USO1: variants seen among roughly 807,000 people sequenced by gnomAD.
USO1 encodes USO1 vesicle transport factor.
Under a neutral mutation model 124.5 loss-of-function variants are expected in USO1, and 57 were observed. The ratio of observed to expected loss-of-function variants is 0.46; its 90% CI spans 0.37 to 0.57. USO1 has a LOEUF of 0.57. USO1 is among the 20% of genes least tolerant of loss of function. The pLI is 0.00. For synonymous variants in USO1, 369 were observed against 362.8 expected (o/e 1.02, Z -0.19); for missense variants, 900 against 1,040.6 (o/e 0.86, Z 1.86).
intron 1 of USO1, among the ~76,000 whole-genome samples, chr4:75,744,230 A>G (rs1355492481): frequency 2.0e-5 from 3 of 152,144 alleles, no homozygotes; most frequent in Non-Finnish European, 2.9e-5. Flanking sequence ...GTGTGGCAGC[A>G]CTCTAGTATT....
Position 75,804,186 on chromosome 4 carries a change from A to G in USO1, c.2039A>G (p.Asn680Ser). 1 of 1,613,646 alleles carries G rather than the reference A, an allele frequency of 6.2e-7. No homozygotes were observed. Among genetic ancestry groups the G allele is most frequent in the South Asian group, 1.1e-5 (1 of 90,996 alleles). Residue 680 changes from asparagine to serine, a missense_variant, in exon 18 of 24, where the codon AAT becomes AGT. Around this residue, in one of 2 missense-constraint regions of USO1, gnomAD observed 362 missense variants for 359.0 expected, o/e 1.01. Coordinates refer to ENST00000514213, the MANE Select transcript of USO1 (RefSeq NM_003715.4). ...RQQVSTLKCQ[N>S]EQLQTAVTQQ... ...CAGGTTTCTACATTAAAATGTCAAA[A>G]TGAACAGCTCCAGACGGCAGTCACA...
chr4:75,732,891 A>AAAAAAAAT (rs1299961126), intron 1 of USO1, among the ~76,000 whole-genome samples: 2 of 150,522 alleles, frequency 1.3e-5, no homozygotes, highest in Non-Finnish European at 3.0e-5. Context: ...AAAAAAAAAA[A>AAAAAAAAT]AAAAAAAGTC....
intron 4 of USO1, among the ~76,000 whole-genome samples, chr4:75,769,887 A>G (rs930223859): frequency 2.0e-5 from 3 of 152,152 alleles, no homozygotes; most frequent in Non-Finnish European, 4.4e-5. Context: ...AGAATTTTGT[A>G]GGATATGTAT....
chr4:75,795,778 T>G (rs1321782959), intron 13 of USO1, among the ~76,000 whole-genome samples: 1 of 152,236 alleles, frequency 6.6e-6, no homozygotes, highest in Non-Finnish European at 1.5e-5. Flanking sequence ...ACTAGATTAT[T>G]TAAAATGTGC....
At chr4:75,773,071 G>A (rs985063692) in intron 7 of USO1, among the ~76,000 whole-genome samples, 17 of 152,066 alleles carry the variant, frequency 1.1e-4, no homozygotes, top group Admixed American at 1.3e-4. Context: ...GCACTCCAGC[G>A]TGGGCAACAA....
intron 17 of USO1, among the ~76,000 whole-genome samples, chr4:75,803,508 G>A (rs1359719605): frequency 6.6e-6 from 1 of 151,728 alleles, no homozygotes; most frequent in Non-Finnish European, 1.5e-5. Context: ...ACATTAGCTG[G>A]GCATGGCAGC....
At chr4:75,772,184 G>A (rs931802093) in intron 7 of USO1, among the ~76,000 whole-genome samples, 1 of 152,094 alleles carries the variant, frequency 6.6e-6, no homozygotes, top group Non-Finnish European at 1.5e-5. Flanking sequence ...TTTGTAATAT[G>A]TATATCAATT....
intron 8 of USO1, among the ~76,000 whole-genome samples, chr4:75,782,461 G>T (rs574332451): frequency 6.6e-6 from 1 of 152,178 alleles, no homozygotes; most frequent in Non-Finnish European, 1.5e-5. Context: ...TTACTAAGGC[G>T]ATTGGTTACT....
chr4:75,799,775 C>A (rs761551131), intron 14 of USO1, 43 bp downstream of exon 14: 1 of 1,601,668 alleles, frequency 6.2e-7, no homozygotes, highest in Non-Finnish European at 8.5e-7. Context: ...GTATTTATAT[C>A]TTTTTTAGTT....
intron 1 of USO1, among the ~76,000 whole-genome samples, chr4:75,751,395 A>G (rs1326148050): frequency 1.3e-5 from 2 of 149,384 alleles, no homozygotes; most frequent in Admixed American, 6.6e-5. Flanking sequence ...TATTTTTAGT[A>G]GAGACAGGGT....
intron 13 of USO1, among the ~76,000 whole-genome samples, chr4:75,796,620 G>A (rs989853141): frequency 2.6e-5 from 4 of 152,012 alleles, no homozygotes; most frequent in African/African-American, 9.7e-5. Flanking sequence ...TTACAGGTGT[G>A]AGACACCGCG....
At position 75,724,675 on chromosome 4, in the gene USO1, G is replaced by C; in HGVS notation, c.-145G>C. The stretch of plus-strand genomic sequence containing the variant: ...CGGCTGTTTCCGGGCTTAGAGGGCT[G>C]GAGTGGCCGCCGAGTTGGAGGCGGT... On this transcript the variant is annotated 5_prime_UTR_variant, in exon 1 of 24. Coordinates refer to ENST00000514213, the MANE Select transcript of USO1 (RefSeq NM_003715.4). 1 of 759,388 alleles carries C rather than the reference G, an allele frequency of 1.3e-6. No homozygotes were observed. Among genetic ancestry groups the C allele is most frequent in the Non-Finnish European group, 2.1e-6 (1 of 469,740 alleles). The allele number at this position is 759,388 out of a possible 1,614,324, so 47.0% of individuals were successfully genotyped here. A position where few individuals can be genotyped will look rare whatever the true frequency, so the allele number is the denominator to read the frequency against.
intron 1 of USO1, among the ~76,000 whole-genome samples, chr4:75,727,433 C>A (rs1421664649): frequency 6.6e-6 from 1 of 151,984 alleles, no homozygotes; most frequent in African/African-American, 2.4e-5. Flanking sequence ...TCTATTTTTT[C>A]TTTTTAATCA....
chr4:75,752,513 A>G, intron 2 of USO1, 27 bp from the exon 3 acceptor site: 1 of 398,478 alleles, frequency 2.5e-6, no homozygotes, highest in Non-Finnish European at 4.4e-6. Flanking sequence ...TAGTTACTTT[A>G]GTAACATTTT....
At chr4:75,806,370 G>T in intron 19 of USO1, 116 bp from the exon 20 acceptor site, 1 of 1,238,986 alleles carries the variant, frequency 8.1e-7, no homozygotes, top group African/African-American at 1.6e-5. Flanking sequence ...TTAAAAGGTT[G>T]GTGTGAATTT....
At chr4:75,768,886 C>G (rs1721843836) in intron 4 of USO1, among the ~76,000 whole-genome samples, 2 of 152,202 alleles carry the variant, frequency 1.3e-5, no homozygotes, top group South Asian at 4.1e-4. Context: ...ATTTATCCAG[C>G]TTCTTACTTG....
Position 75,804,217 on chromosome 4 carries a change from A to C in USO1, c.2070A>C (p.Gln690His). 1 of 1,613,758 alleles carries C rather than the reference A, an allele frequency of 6.2e-7. No homozygotes were observed. The highest frequency in any genetic ancestry group is 8.5e-7 in the Non-Finnish European group (1 of 1,179,764). ...AGCTCCAGACGGCAGTCACACAGCAAGTATCACAGATCCAGCAGCACAAAG... is the reference window on the plus strand; with the variant it reads ...AGCTCCAGACGGCAGTCACACAGCACGTATCACAGATCCAGCAGCACAAAG... ...NEQLQTAVTQQVSQIQQHKDQ... is the reference protein window; with the variant it reads ...NEQLQTAVTQHVSQIQQHKDQ... Residue 690 changes from glutamine to histidine, a missense_variant, in exon 18 of 24, where the codon CAA becomes CAC. Gln to His is a conservative substitution (Grantham distance 24, BLOSUM62 0). Around this residue, in one of 2 missense-constraint regions of USO1, gnomAD observed 362 missense variants for 359.0 expected, o/e 1.01. Coordinates refer to ENST00000514213, the MANE Select transcript of USO1 (RefSeq NM_003715.4).
chr4:75,794,736 ACT>A (rs1172412836), intron 13 of USO1, among the ~76,000 whole-genome samples: 2 of 152,130 alleles, frequency 1.3e-5, no homozygotes, highest in African/African-American at 2.4e-5. Flanking sequence ...ATCCTGCCAC[ACT>A]CGTTGAATTT....
chr4:75,802,155 T>TA (rs1722869400), intron 17 of USO1, among the ~76,000 whole-genome samples: 1 of 152,108 alleles, frequency 6.6e-6, no homozygotes, highest in Non-Finnish European at 1.5e-5. Context: ...AGAATGAAAA[T>TA]ATTGTGGTAT....
Sources: gnomAD v4.1 joint callset for allele counts (sites outside exome capture counted in the v4.1 genomes callset) on GRCh38, gnomAD v4.1.1 for gene constraint, gnomAD v4.1.1 regional missense constraint, MANE v1.5 for transcripts, NCBI Gene and HGNC (gene_info 2026-07-23, HGNC 2026-07-21) for gene names.